TRIM38: variants seen among roughly 807,000 people sequenced by gnomAD.
TRIM38 encodes the protein tripartite motif containing 38.
TRIM38 carries 35 observed loss-of-function variants against 35.8 expected under a neutral mutation model. The ratio of observed to expected loss-of-function variants is 0.98; its 90% CI spans 0.75 to 1.30. TRIM38 has a LOEUF of 1.30. Ranked by LOEUF, TRIM38 falls within the 50% of genes most tolerant of loss-of-function variation. The pLI is 0.00. For missense variants in TRIM38, 545 were observed against 556.9 expected (o/e 0.98, Z 0.21); for synonymous variants, 198 against 204.7 (o/e 0.97, Z 0.28).
chr6:25,975,348 C>T (rs1023166294), intron 7 of TRIM38: 19 of 173,960 alleles, frequency 1.1e-4, no homozygotes, highest in East Asian at 3.8e-4. Context: ...ATTACAGGTA[C>T]GCACCACTAT....
Position 25,966,516 on chromosome 6 carries a change from A to G in TRIM38, c.-7A>G, listed in dbSNP as rs760313257. On this transcript the variant is annotated 5_prime_UTR_variant, in exon 3 of 8. In the 5' UTR this introduces an upstream ATG that the reference lacks. Coordinates refer to ENST00000357085, the MANE Select transcript of TRIM38 (RefSeq NM_006355.5). ...AGAGCCAATATTGGAGCTTTTCAAT[A>G]AAAGCTATGGCCTCAACCACCAGCA... 3.2e-6 allele frequency: 5 copies of G among 1,582,276 alleles called. No homozygotes were observed. Among genetic ancestry groups the G allele is most frequent in the South Asian group, 2.3e-5 (2 of 87,060 alleles).
intron 7 of TRIM38, among the ~76,000 whole-genome samples, chr6:25,980,722 T>C (rs941255035): frequency 2.6e-5 from 4 of 152,196 alleles, no homozygotes; most frequent in African/African-American, 9.6e-5. Flanking sequence ...CACCTGGCCC[T>C]TCTTCCATTC....
In TRIM38 at chr6:25,985,309, A is replaced by C. The variant is rs372415596; in HGVS notation, c.*1622A>C. The C allele has an allele frequency of 2.0e-5, 3 of 150,872 alleles. No individual in the cohort carries two copies. Among genetic ancestry groups the C allele is most frequent in the South Asian group, 4.2e-4 (2 of 4,804 alleles). 9.3% of individuals were successfully genotyped at this position (150,872 alleles called of 1,614,324 possible). On this transcript the variant is annotated 3_prime_UTR_variant, in exon 8 of 8. Coordinates refer to ENST00000357085, the MANE Select transcript of TRIM38 (RefSeq NM_006355.5). Reference sequence around the variant, plus strand: ...CTTTTTTTTTAAAAAAAAAAAAAAAAAAAGGGAAAGAAAAAGTTGCCTTCC... The same window carrying C: ...CTTTTTTTTTAAAAAAAAAAAAAAACAAAGGGAAAGAAAAAGTTGCCTTCC...
intron 3 of TRIM38, among the ~76,000 whole-genome samples, chr6:25,967,978 G>A (rs1760116070): frequency 6.6e-6 from 1 of 152,166 alleles, no homozygotes; most frequent in Non-Finnish European, 1.5e-5. Context: ...TGAAGCAGAG[G>A]GAGAGGTTTT....
In TRIM38 at chr6:25,988,857, C is replaced by T. The variant is rs879057472; in HGVS notation, c.*5170C>T. 11 of 152,314 alleles carry T rather than the reference C, an allele frequency of 7.2e-5. No individual in the cohort carries two copies. Among genetic ancestry groups the T allele is most frequent in the Admixed American group, 2.0e-4 (3 of 15,300 alleles). The allele number at this position is 152,314 out of a possible 1,614,324, so 9.4% of individuals were successfully genotyped here. ...TTTGGATAAATTATGAATAAAGCTG[C>T]TATAAACATCTATGTGCAGGTTTTT... On this transcript the variant is annotated 3_prime_UTR_variant, in exon 8 of 8. Coordinates refer to ENST00000357085, the MANE Select transcript of TRIM38 (RefSeq NM_006355.5).
chr6:25,981,101 G>C (rs1760531533), intron 7 of TRIM38, among the ~76,000 whole-genome samples: 1 of 152,238 alleles, frequency 6.6e-6, no homozygotes, highest in Non-Finnish European at 1.5e-5. Context: ...AACAGTTAGA[G>C]AGCCATCACC....
chr6:25,987,370 C>T lies in TRIM38; in HGVS notation c.*3683C>T, dbSNP rs1162609815. 6.6e-6 allele frequency: 1 copy of T among 152,178 alleles called. No homozygotes were observed. The highest frequency in any genetic ancestry group is 1.9e-4 in the East Asian group (1 of 5,196). 9.4% of individuals were successfully genotyped at this position (152,178 alleles called of 1,614,324 possible). A position where few individuals can be genotyped will look rare whatever the true frequency, so the allele number is the denominator to read the frequency against. On this transcript the variant is annotated 3_prime_UTR_variant, in exon 8 of 8. Transcript: ENST00000357085. ...AGTTGATTCTTTGTGAAGGCCCTTT[C>T]CTAGCTTGCAGATGGCTACCTTCCT... is the stretch of plus-strand genomic sequence containing the variant.
chr6:25,986,798 ACCC>A lies in TRIM38; in HGVS notation c.*3113_*3115del, dbSNP rs72229355. The A allele has an allele frequency of 0.055, 8,281 of 151,308 alleles. 263 individuals are homozygous for A. The highest frequency in any genetic ancestry group is 0.073 in the Non-Finnish European group (4,957 of 67,844). The allele number at this position is 151,308 out of a possible 1,614,324, so 9.4% of individuals were successfully genotyped here. A position where few individuals can be genotyped will look rare whatever the true frequency, so the allele number is the denominator to read the frequency against. Reference sequence around the variant, plus strand: ...AGAAAATCACAGATTCCTTCCAGCCACCCCTCAATTACCCCTGGGATCCAAGAG... The same window carrying A: ...AGAAAATCACAGATTCCTTCCAGCCACTCAATTACCCCTGGGATCCAAGAG... On this transcript the variant is annotated 3_prime_UTR_variant, in exon 8 of 8. Transcript: ENST00000357085.
intron 7 of TRIM38, among the ~76,000 whole-genome samples, chr6:25,981,496 A>G (rs1760543071): frequency 6.6e-6 from 1 of 152,254 alleles, no homozygotes; most frequent in African/African-American, 2.4e-5. Context: ...TCTTGTTAGA[A>G]CATCCTATTA....
Position 25,987,926 on chromosome 6 carries a change from TGAAGCAG to T in TRIM38, c.*4249_*4255del, listed in dbSNP as rs1195001337. On this transcript the variant is annotated 3_prime_UTR_variant, in exon 8 of 8. Coordinates refer to ENST00000357085, the MANE Select transcript of TRIM38 (RefSeq NM_006355.5). ...TCTTTTCTAGAGTGTCATACAGTTG[TGAAGCAG>T]GAAGCAGGAGTGAACTCCGGAGGCA... 1.3e-5 allele frequency: 2 copies of T among 152,158 alleles called. No homozygotes were observed. Among genetic ancestry groups the T allele is most frequent in the African/African-American group, 4.8e-5 (2 of 41,428 alleles). 9.4% of individuals were successfully genotyped at this position (152,158 alleles called of 1,614,324 possible).
chr6:25,966,722 A>G lies in TRIM38; in HGVS notation c.200A>G (p.His67Arg), dbSNP rs770494870. The part of the protein sequence containing the change: ...FCCPQCRAPF[H>R]MDSLRPNKQL... The stretch of plus-strand genomic sequence containing the variant: ...TGTCCCCAGTGTCGGGCTCCATTTC[A>G]TATGGATAGCCTCCGACCCAACAAG... The change falls in exon 3 of 8, where the codon CAT becomes CGT. Residue 67 changes from histidine (H) to arginine (R), a missense_variant. Physicochemically the swap from His to Arg is conservative, Grantham distance 29 (BLOSUM62 0). Coordinates refer to ENST00000357085, the MANE Select transcript of TRIM38 (RefSeq NM_006355.5). 5.0e-6 allele frequency: 8 copies of G among 1,614,096 alleles called. No homozygotes were observed. The highest frequency in any genetic ancestry group is 1.7e-5 in the Admixed American group (1 of 60,002).
chr6:25,977,789 A>T (rs2113609982), intron 7 of TRIM38, among the ~76,000 whole-genome samples: 1 of 152,308 alleles, frequency 6.6e-6, no homozygotes, highest in Admixed American at 6.5e-5. Flanking sequence ...TGATAGCATT[A>T]TAATGATGAT....
At chr6:25,973,001 C>T in intron 5 of TRIM38, 53 bp from the exon 6 acceptor site, 1 of 1,611,308 alleles carries the variant, frequency 6.2e-7, no homozygotes, top group Non-Finnish European at 8.5e-7. Context: ...CATGACAAGC[C>T]CCATGAAATA....
At chr6:25,972,914 G>A in intron 5 of TRIM38, 140 bp from the exon 6 acceptor site, 1 of 1,033,536 alleles carries the variant, frequency 9.7e-7, no homozygotes, top group Non-Finnish European at 1.4e-6. Context: ...CTTTGTTTGA[G>A]TATCCATCAA....
intron 3 of TRIM38, among the ~76,000 whole-genome samples, chr6:25,968,966 T>C (rs1760143964): frequency 6.6e-6 from 1 of 152,220 alleles, no homozygotes; most frequent in African/African-American, 2.4e-5. Context: ...ATCCAACTTT[T>C]TCCTGGCAGG....
At position 25,989,507 on chromosome 6, in the gene TRIM38, A is replaced by ATTTTTTTTTTTTTTTT. The variant is rs1254792103; in HGVS notation, c.*5822_*5823insTTTTTTTTTTTTTTTT. On this transcript the variant is annotated 3_prime_UTR_variant, in exon 8 of 8. Transcript: ENST00000357085. ...TTTGCTATTGTTAGCAAGGTCTTGTATTCTTTTTTTTTTTTTTTTTTTTTT... is the reference window on the plus strand; with the variant it reads ...TTTGCTATTGTTAGCAAGGTCTTGTATTTTTTTTTTTTTTTTTTCTTTTTTTTTTTTTTTTTTTTTT... 1 of 109,938 alleles carries ATTTTTTTTTTTTTTTT rather than the reference A, an allele frequency of 9.1e-6. No homozygotes were observed. The allele number at this position is 109,938 out of a possible 1,614,324, so 6.8% of individuals were successfully genotyped here.
rs551151395 is a variant in TRIM38 at position 25,983,885 on chromosome 6, G to C, written c.*198G>C. ...AAAAATACCACAGATGGTTAACCTG[G>C]ACTGGGGCAAAGCAAGATAATAGTG... On this transcript the variant is annotated 3_prime_UTR_variant, in exon 8 of 8. Coordinates refer to ENST00000357085, the MANE Select transcript of TRIM38 (RefSeq NM_006355.5). The C allele has an allele frequency of 3.7e-6, 2 of 545,906 alleles. No homozygotes were observed. Among genetic ancestry groups the C allele is most frequent in the East Asian group, 6.2e-5 (2 of 32,146 alleles). 33.8% of individuals were successfully genotyped at this position (545,906 alleles called of 1,614,324 possible).
In TRIM38 at chr6:25,966,926, G is replaced by A; in HGVS notation, c.404G>A (p.Gly135Asp). 6.2e-7 allele frequency: 1 copy of A among 1,602,286 alleles called. No homozygotes were observed. Among genetic ancestry groups the A allele is most frequent in the Non-Finnish European group, 8.5e-7 (1 of 1,171,054 alleles). The change falls in exon 3 of 8, where the codon GGC (glycine) becomes GAC (aspartate). Residue 135 changes from glycine to aspartate, a missense_variant. Gly to Asp is a moderately conservative substitution (Grantham distance 94). Coordinates refer to ENST00000357085, the MANE Select transcript of TRIM38 (RefSeq NM_006355.5). ...GCTCTTGTTGAAGACGTATGCCAGG[G>A]CTACAAGGTGAGTGTGTGGGCCCGG... Reference protein sequence around the residue: ...TTALVEDVCQGYKEKLQKAVT... With the variant: ...TTALVEDVCQDYKEKLQKAVT...
rs561912070 is a variant in TRIM38, at chr6:25,972,755, G to A, written c.739-299G>A. Among the ~76,000 whole-genome samples the A allele has an allele frequency of 2.0e-5, 3 of 152,298 alleles. No individual in the cohort carries two copies. The South Asian group carries it at 6.2e-4, about 32-fold the overall frequency. On this transcript the variant is annotated intron_variant, in intron 5 of 7. Coordinates refer to ENST00000357085, the MANE Select transcript of TRIM38 (RefSeq NM_006355.5). Reference sequence around the variant, plus strand: ...CCAAAAGCTAGTCCTTACAGAGGGAGCATGGACAAAGCTCCTGGCCCTCAG... The same window carrying A: ...CCAAAAGCTAGTCCTTACAGAGGGAACATGGACAAAGCTCCTGGCCCTCAG...
Sources: gnomAD v4.1 joint callset for allele counts (sites outside exome capture counted in the v4.1 genomes callset) on GRCh38, gnomAD v4.1.1 for gene constraint, MANE v1.5 for transcripts, NCBI Gene and HGNC (gene_info 2026-07-23, HGNC 2026-07-21) for gene names.